KCNU1: variants seen among roughly 807,000 people sequenced by gnomAD.
KCNU1 encodes the protein potassium calcium-activated channel subfamily U member 1.
In KCNU1, 93 loss-of-function variants were observed where a neutral mutation model predicts 126.8. The observed-to-expected ratio is 0.73, with a 90% CI of 0.62 to 0.87. KCNU1 has a LOEUF of 0.87. Ranked by LOEUF, KCNU1 falls within the 40% of genes least tolerant of loss-of-function variation. The pLI is 0.00. For synonymous variants in KCNU1, 523 were observed against 494.2 expected, an observed-to-expected ratio of 1.06 and a Z score of -0.77; for missense variants, 1,330 against 1,367.1, an observed-to-expected ratio of 0.97 and a Z score of 0.43.
chr8:36,827,842 A>C (rs1266105835), intron 10 of KCNU1, among the ~76,000 whole-genome samples: 3 of 152,126 alleles, frequency 2.0e-5, no homozygotes, highest in African/African-American at 7.2e-5. Context: ...AGTGGGAGTG[A>C]AAATAAAGGT....
intron 1 of KCNU1, among the ~76,000 whole-genome samples, chr8:36,786,644 A>G (rs1328996249): frequency 1.3e-5 from 2 of 152,198 alleles, no homozygotes; most frequent in East Asian, 1.9e-4. Flanking sequence ...CTCAGGCCCC[A>G]GCCTTTCCTC....
At chr8:36,815,960 G>A (rs1055786329) in intron 9 of KCNU1, among the ~76,000 whole-genome samples, 2 of 152,168 alleles carry the variant, frequency 1.3e-5, no homozygotes, top group Non-Finnish European at 2.9e-5. Context: ...AAATATTACT[G>A]ATTATGGCAC....
At chr8:36,925,122 C>T (rs1043000456) in intron 24 of KCNU1, among the ~76,000 whole-genome samples, 2 of 152,052 alleles carry the variant, frequency 1.3e-5, no homozygotes, top group African/African-American at 4.8e-5. Flanking sequence ...GATATTGGGT[C>T]AATGGGCTTC....
intron 7 of KCNU1, among the ~76,000 whole-genome samples, chr8:36,812,712 T>G (rs992312427): frequency 6.6e-6 from 1 of 152,126 alleles, no homozygotes; most frequent in Non-Finnish European, 1.5e-5. Context: ...GACTGATGGG[T>G]CAATGTAACA....
intron 16 of KCNU1, among the ~76,000 whole-genome samples, chr8:36,844,257 G>A (rs1452673767): frequency 6.6e-6 from 1 of 151,996 alleles, no homozygotes; most frequent in Non-Finnish European, 1.5e-5. Context: ...GTGCACACCT[G>A]CAATCCCAGC....
At chr8:36,830,873 G>T (rs1467824053) in intron 10 of KCNU1, among the ~76,000 whole-genome samples, 75 of 148,490 alleles carry the variant, frequency 5.1e-4, no homozygotes, top group African/African-American at 6.0e-4. Context: ...TCGTCATCTA[G>T]CATTAGGTAT....
At chr8:36,821,755 C>T (rs1804134325) in intron 10 of KCNU1, among the ~76,000 whole-genome samples, 1 of 152,094 alleles carries the variant, frequency 6.6e-6, no homozygotes, top group African/African-American at 2.4e-5. Flanking sequence ...GTGCAAAAGT[C>T]ATATGCCTTC....
At chr8:36,786,291 T>G (rs768852013) in intron 1 of KCNU1, among the ~76,000 whole-genome samples, 1 of 152,218 alleles carries the variant, frequency 6.6e-6, no homozygotes. Flanking sequence ...TCCAATTTTA[T>G]GATGGAATTC....
intron 19 of KCNU1, among the ~76,000 whole-genome samples, chr8:36,883,964 G>A (rs1428794687): frequency 6.6e-6 from 1 of 152,174 alleles, no homozygotes; most frequent in Non-Finnish European, 1.5e-5. Flanking sequence ...CTATCTGAAA[G>A]GTAGGGATGC....
chr8:36,841,885 A>G (rs969219102), intron 16 of KCNU1, among the ~76,000 whole-genome samples: 2 of 152,174 alleles, frequency 1.3e-5, no homozygotes, highest in Non-Finnish European at 2.9e-5. Flanking sequence ...GCAAAATAAA[A>G]TTCAGAGCAA....
chr8:36,845,200 A>G (rs944278875), intron 16 of KCNU1, among the ~76,000 whole-genome samples: 6 of 152,260 alleles, frequency 3.9e-5, no homozygotes, highest in East Asian at 1.9e-4. Flanking sequence ...CACTACTAGT[A>G]TGACGCTAAG....
chr8:36,864,670 T>A, intron 19 of KCNU1, 149 bp downstream of exon 19: 1 of 609,944 alleles, frequency 1.6e-6, no homozygotes. Context: ...ATCTCCACCT[T>A]GCCCATATCA....
At chr8:36,931,169 C>T (rs1293307125) in intron 25 of KCNU1, 24 bp downstream of exon 25, 2 of 1,555,736 alleles carry the variant, frequency 1.3e-6, no homozygotes, top group South Asian at 2.4e-5. Context: ...TCTCAGAATT[C>T]AGTTTTTCAC....
chr8:36,797,743 A>T (rs2130373401), intron 2 of KCNU1, among the ~76,000 whole-genome samples: 1 of 152,242 alleles, frequency 6.6e-6, no homozygotes, highest in Middle Eastern at 3.4e-3. Flanking sequence ...TGCTCTTACA[A>T]GTAAACAACA....
intron 19 of KCNU1, among the ~76,000 whole-genome samples, chr8:36,883,277 C>T (rs1806556281): frequency 6.6e-6 from 1 of 152,204 alleles, no homozygotes. Flanking sequence ...AGAAGAGACA[C>T]GTGGCACTAG....
chr8:36,830,468 GT>G (rs1295164790), intron 10 of KCNU1, among the ~76,000 whole-genome samples: 1 of 151,866 alleles, frequency 6.6e-6, no homozygotes. Context: ...TATAAGTGTT[GT>G]TTTTTAATTT....
chr8:36,791,050 G>T (rs891234545), intron 2 of KCNU1, among the ~76,000 whole-genome samples: 2 of 150,546 alleles, frequency 1.3e-5, no homozygotes, highest in African/African-American at 4.9e-5. Flanking sequence ...GTAGGAACGT[G>T]AGAAGGGAAC....
At chr8:36,922,734 C>T in intron 24 of KCNU1, 105 bp downstream of exon 24, 2 of 1,198,054 alleles carry the variant, frequency 1.7e-6, no homozygotes, top group Non-Finnish European at 2.3e-6. Context: ...GTTCTAAGTT[C>T]TCTTTGATTT....
intron 2 of KCNU1, among the ~76,000 whole-genome samples, chr8:36,790,041 A>C (rs767143407): frequency 2.0e-5 from 3 of 152,206 alleles, no homozygotes; most frequent in Non-Finnish European, 2.9e-5. Context: ...TTAAAGTATG[A>C]GTTGACATGG....
Sources: gnomAD v4.1 joint callset for allele counts (sites outside exome capture counted in the v4.1 genomes callset) on GRCh38, gnomAD v4.1.1 for gene constraint, MANE v1.5 for transcripts, NCBI Gene and HGNC (gene_info 2026-07-23, HGNC 2026-07-21) for gene names.